The following C2orf92 variants were observed in gnomAD, a reference collection of about 807,000 sequenced individuals.
The protein encoded by C2orf92 is chromosome 2 open reading frame 92.
intron 5 of C2orf92, among the ~76,000 whole-genome samples, chr2:97,691,411 C>T (rs1676132639): frequency 6.6e-6 from 1 of 152,130 alleles, no homozygotes; most frequent in African/African-American, 2.4e-5. Flanking sequence ...GGAATTCTCC[C>T]CTCCTCCTCA....
intron 5 of C2orf92, among the ~76,000 whole-genome samples, chr2:97,698,596 G>T (rs1559307412): frequency 6.6e-6 from 1 of 152,140 alleles, no homozygotes; most frequent in South Asian, 2.1e-4. Context: ...TATGCAAGTG[G>T]AGAAGTAGGC....
chr2:97,687,545 T>A (rs906088564), intron 3 of C2orf92, among the ~76,000 whole-genome samples: 1 of 151,614 alleles, frequency 6.6e-6, no homozygotes, highest in South Asian at 2.1e-4. Flanking sequence ...CAGTGAAGTC[T>A]CTCCTGAGGG....
chr2:97,697,656 G>A (rs896770967), intron 5 of C2orf92, among the ~76,000 whole-genome samples: 1 of 152,300 alleles, frequency 6.6e-6, no homozygotes, highest in South Asian at 2.1e-4. Flanking sequence ...AACTTCATGA[G>A]ACTGTTATCA....
At chr2:97,669,672 C>G (rs924286652), upstream of C2orf92, 1 of 395,532 alleles carries the variant, frequency 2.5e-6, no homozygotes, top group African/African-American at 2.1e-5. Flanking sequence ...CACCTCACTT[C>G]CGTGTATGAC....
chr2:97,694,698 G>A (rs1676254308), intron 5 of C2orf92: 1 of 152,132 alleles, frequency 6.6e-6, no homozygotes, highest in Non-Finnish European at 1.5e-5. Flanking sequence ...TATGAACGTG[G>A]ATGTACAAAT....
chr2:97,703,043 A>G lies in C2orf92; in HGVS notation c.*242A>G, dbSNP rs1676550335. 2.9e-6 allele frequency: 1 copy of G among 344,878 alleles called. No homozygotes were observed. The highest frequency in any genetic ancestry group is 5.2e-6 in the Non-Finnish European group (1 of 193,346). 21.4% of individuals were successfully genotyped at this position (344,878 alleles called of 1,614,324 possible). The stretch of plus-strand genomic sequence containing the variant: ...AGACTATGGATTTATCATTTAATAA[A>G]GCATTGATTCATTTTTTCAGTCATT... On this transcript the variant is annotated 3_prime_UTR_variant, in exon 8 of 8. Coordinates refer to ENST00000627399, the MANE Select transcript of C2orf92 (RefSeq NM_001351368.2).
chr2:97,664,258 AGT>A (rs752147906), exon 1 of C2orf92: 70 of 154,674 alleles, frequency 4.5e-4, no homozygotes, highest in Non-Finnish European at 8.2e-4. Context: ...GGCGGCAGAA[AGT>A]GGAGCTGGGC....
intron 7 of C2orf92, chr2:97,702,004 G>A (rs960121757): frequency 6.6e-6 from 1 of 152,272 alleles, no homozygotes; most frequent in Non-Finnish European, 1.5e-5. Context: ...TGGTTTGCAC[G>A]ATGACGTGTA....
chr2:97,669,360 A>G (rs1481407182), upstream of C2orf92: 1 of 152,912 alleles, frequency 6.5e-6, no homozygotes, highest in Non-Finnish European at 1.5e-5. Flanking sequence ...TCAGCCTTCC[A>G]AAGTGCTGGG....
At chr2:97,667,261 C>CTTTTTT (rs200244313), upstream of C2orf92, among the ~76,000 whole-genome samples, 4 of 106,494 alleles carry the variant, frequency 3.8e-5, 1 homozygote, top group Non-Finnish European at 3.8e-5. Flanking sequence ...CTTCAGGTCT[C>CTTTTTT]TTTTTTATTT....
At chr2:97,665,136 C>T (rs1675164861), upstream of C2orf92, among the ~76,000 whole-genome samples, 1 of 152,142 alleles carries the variant, frequency 6.6e-6, no homozygotes, top group Non-Finnish European at 1.5e-5. Flanking sequence ...CAGGTAGCCC[C>T]CTGCGGCACT....
intron 5 of C2orf92, chr2:97,691,085 G>A (rs1676122640): frequency 6.6e-6 from 1 of 152,282 alleles, no homozygotes; most frequent in Non-Finnish European, 1.5e-5. Context: ...CCACAAGAGA[G>A]TACTTGTACT....
At chr2:97,669,614 A>G (rs1394063506), upstream of C2orf92, 1 of 391,390 alleles carries the variant, frequency 2.6e-6, no homozygotes, top group African/African-American at 2.1e-5. Context: ...AGCCCCCGTC[A>G]CTGTCCACAG....
chr2:97,698,446 T>C (rs11893601), intron 5 of C2orf92, among the ~76,000 whole-genome samples: 104,983 of 152,210 alleles, frequency 0.69, 37,203 homozygotes, highest in Non-Finnish European at 0.73. Context: ...ATCCCTCTAC[T>C]GATACCTGAA....
At chr2:97,681,735 G>A (rs1447614009) in intron 3 of C2orf92, among the ~76,000 whole-genome samples, 1 of 152,036 alleles carries the variant, frequency 6.6e-6, no homozygotes, top group African/African-American at 2.4e-5. Context: ...GCGGGCGCCT[G>A]TAGTCCCAGC....
intron 5 of C2orf92, chr2:97,694,690 T>TG (rs1300776813): frequency 6.6e-6 from 1 of 152,238 alleles, no homozygotes; most frequent in African/African-American, 2.4e-5. Flanking sequence ...AATCCTGTTA[T>TG]GAACGTGGAT....
rs1675407460 is a variant in C2orf92, at chr2:97,671,398, C to T, written c.46+1564C>T. 15 of 398,070 alleles carry T rather than the reference C, an allele frequency of 3.8e-5. No homozygotes were observed. In the East Asian group the frequency reaches 5.3e-4, roughly 14 times the overall value. The allele number at this position is 398,070 out of a possible 1,614,324, so 24.7% of individuals were successfully genotyped here. A position where few individuals can be genotyped will look rare whatever the true frequency, so the allele number is the denominator to read the frequency against. Reference sequence around the variant, plus strand: ...CTGACCTCAAGTGATCCTCCCACCTCAGCCTCCCCGAGTGCTGGGATTAAA... The same window carrying T: ...CTGACCTCAAGTGATCCTCCCACCTTAGCCTCCCCGAGTGCTGGGATTAAA... On this transcript the variant is annotated intron_variant, in intron 1 of 7. Transcript: ENST00000627399.
At chr2:97,679,374 A>G (rs1167619035) in intron 3 of C2orf92, among the ~76,000 whole-genome samples, 1 of 152,190 alleles carries the variant, frequency 6.6e-6, no homozygotes, top group African/African-American at 2.4e-5. Flanking sequence ...GGGAATAGAG[A>G]TATATGTGTG....
At chr2:97,693,828 A>G (rs1676217801) in intron 5 of C2orf92, among the ~76,000 whole-genome samples, 1 of 152,232 alleles carries the variant, frequency 6.6e-6, no homozygotes, top group African/African-American at 2.4e-5. Flanking sequence ...GCCATGATTT[A>G]TAACTTTTAA....
Sources: allele counts gnomAD v4.1 joint callset (sites outside exome capture counted in the v4.1 genomes callset), GRCh38; gene constraint gnomAD v4.1.1; transcripts MANE v1.5; gene names NCBI Gene and HGNC (gene_info 2026-07-23, HGNC 2026-07-21).